KANK1: variants seen among roughly 807,000 people sequenced by gnomAD.
KANK1 encodes the protein KN motif and ankyrin repeat domains 1.
KANK1 carries 109 observed loss-of-function variants against 106.2 expected under a neutral mutation model. The observed-to-expected ratio is 1.03, with a 90% CI of 0.88 to 1.20. The LOEUF is 1.20. KANK1 is among the 50% of genes most tolerant of loss of function. The pLI, the probability that KANK1 is intolerant of heterozygous loss-of-function variation, is 0.00. For missense variants in KANK1, 2,399 were observed against 1,710.7 expected, an observed-to-expected ratio of 1.40 and a Z score of -7.10; for synonymous variants, 873 against 652.2, an observed-to-expected ratio of 1.34 and a Z score of -5.16.
intron 1 of KANK1, among the ~76,000 whole-genome samples, chr9:609,605 G>T (rs1830114785): frequency 6.6e-6 from 1 of 152,044 alleles, no homozygotes; most frequent in Non-Finnish European, 1.5e-5. Flanking sequence ...ACTCCAGCCT[G>T]GGTGACAAGA....
chr9:577,214 T>C (rs926327299), intron 1 of KANK1, among the ~76,000 whole-genome samples: 1 of 152,212 alleles, frequency 6.6e-6, no homozygotes, highest in Non-Finnish European at 1.5e-5. Context: ...CAGATTTTAT[T>C]CCCTTATTTG....
At chr9:735,666 C>T (rs750335527) in intron 7 of KANK1, 1 of 345,688 alleles carries the variant, frequency 2.9e-6, no homozygotes, top group Non-Finnish European at 6.4e-6. Flanking sequence ...ACTTTAAATT[C>T]TGCCATATAT....
chr9:675,362 C>T (rs895661134), intron 1 of KANK1, among the ~76,000 whole-genome samples: 12 of 152,140 alleles, frequency 7.9e-5, no homozygotes, highest in Admixed American at 4.6e-4. Context: ...ATTTATTTCT[C>T]CCAACTTCTT....
chr9:711,341 C>A lies in KANK1; in HGVS notation c.575C>A (p.Thr192Asn), dbSNP rs371323213. The A allele has an allele frequency of 1.2e-6, 2 of 1,614,138 alleles. No individual in the cohort carries two copies. The highest frequency in any genetic ancestry group is 3.3e-5 in the Admixed American group (2 of 60,018). The stretch of plus-strand genomic sequence containing the variant: ...CTGGCCAGTTTTGGAGGCATGGGCA[C>A]CACAAGCTCCCTCCCTTCTTTTGTG... ...PRLASFGGMG[T>N]TSSLPSFVGS... is the part of the protein sequence containing the mutation. The change falls in exon 3 of 12, where the codon ACC becomes AAC. Residue 192 changes from threonine (T) to asparagine (N), a missense_variant. Transcript: ENST00000382297.
At chr9:533,807 G>C (rs887530620) in intron 1 of KANK1, among the ~76,000 whole-genome samples, 9 of 152,126 alleles carry the variant, frequency 5.9e-5, no homozygotes, top group Non-Finnish European at 1.2e-4. Flanking sequence ...TCTGGAAGTG[G>C]GCTGGAATTT....
intron 1 of KANK1, among the ~76,000 whole-genome samples, chr9:654,258 C>T (rs139580767): frequency 2.6e-5 from 4 of 152,286 alleles, no homozygotes; most frequent in South Asian, 2.1e-4. Flanking sequence ...CACTGGTCCA[C>T]GGCCAGACTT....
intron 1 of KANK1, among the ~76,000 whole-genome samples, chr9:510,782 G>T (rs2058995492): frequency 6.6e-6 from 1 of 152,206 alleles, no homozygotes. Context: ...GCATCATGGG[G>T]TTTAATGGTA....
intron 1 of KANK1, among the ~76,000 whole-genome samples, chr9:651,091 A>G (rs1840782618): frequency 2.0e-5 from 3 of 152,190 alleles, no homozygotes; most frequent in Admixed American, 2.0e-4. Context: ...CATCTGTGAA[A>G]GGAGGAATTT....
At chr9:514,838 C>T (rs1314728251) in intron 1 of KANK1, among the ~76,000 whole-genome samples, 1 of 151,630 alleles carries the variant, frequency 6.6e-6, no homozygotes, top group African/African-American at 2.4e-5. Context: ...TGCAGTTCAA[C>T]TGGAGTAGGT....
At chr9:650,405 C>T (rs1187671551) in intron 1 of KANK1, among the ~76,000 whole-genome samples, 1 of 152,184 alleles carries the variant, frequency 6.6e-6, no homozygotes, top group African/African-American at 2.4e-5. Context: ...TTAAAGATCT[C>T]TGTTAAAACA....
At chr9:603,644 G>A (rs1026070706) in intron 1 of KANK1, among the ~76,000 whole-genome samples, 2 of 151,416 alleles carry the variant, frequency 1.3e-5, no homozygotes, top group African/African-American at 4.9e-5. Context: ...TAATATACTC[G>A]TTTGAATTTT....
At position 530,289 on chromosome 9, in the gene KANK1, C is replaced by T. The variant is rs73369090; in HGVS notation, c.-84+25535C>T. Among the ~76,000 whole-genome samples, 1,070 of 152,268 alleles carry T rather than the reference C, an allele frequency of 7.0e-3. 23 individuals are homozygous for T. The highest frequency in any genetic ancestry group is 0.023 in the African/African-American group (974 of 41,566). On this transcript the variant is annotated intron_variant, in intron 1 of 11. Transcript: ENST00000382297. ...ATTTAATATCATGAAGAGAAAAAGG[C>T]GTTCCCCATCTTAAAATTATTATTT...
rs1375089966 is a variant in KANK1, at chr9:684,817, A to G, written c.37+7808A>G. 2.0e-5 allele frequency among the ~76,000 whole-genome samples: 3 copies of G among 152,162 alleles called. No individual in the cohort carries two copies. In the East Asian group the frequency reaches 5.8e-4, roughly 29 times the overall value. ...GTCACCGCTTTGGCTCCTTTTCTAT[A>G]AAAGGTGGTTTGATTTGATCTGGCA... is the stretch of plus-strand genomic sequence containing the variant. On this transcript the variant is annotated intron_variant, in intron 2 of 11. Coordinates refer to ENST00000382297, the MANE Select transcript of KANK1 (RefSeq NM_015158.5).
chr9:732,431 A>G lies in KANK1; in HGVS notation c.3059A>G (p.Glu1020Gly). The change falls in exon 6 of 12, where the codon GAG (glutamate) becomes GGG (glycine). Residue 1020 changes from glutamate to glycine, a missense_variant. Coordinates refer to ENST00000382297, the MANE Select transcript of KANK1 (RefSeq NM_015158.5). ...AGCTCAGATGAAAGCTCTTCTTCCGAGTCAGATGACGAGTGTGATGTCATT... is the reference window on the plus strand; with the variant it reads ...AGCTCAGATGAAAGCTCTTCTTCCGGGTCAGATGACGAGTGTGATGTCATT... Reference protein sequence around the residue: ...DSSSDESSSSESDDECDVIEY... With the variant: ...DSSSDESSSSGSDDECDVIEY... 6.2e-7 allele frequency: 1 copy of G among 1,614,186 alleles called. No homozygotes were observed. Among genetic ancestry groups the G allele is most frequent in the Non-Finnish European group, 8.5e-7 (1 of 1,180,014 alleles).
chr9:555,030 C>T (rs932747679), intron 1 of KANK1, among the ~76,000 whole-genome samples: 27 of 152,268 alleles, frequency 1.8e-4, no homozygotes, highest in Middle Eastern at 3.4e-3. Flanking sequence ...TCCGTTTGCC[C>T]AGTCAAGTTG....
intron 1 of KANK1, among the ~76,000 whole-genome samples, chr9:603,103 G>A (rs1037682089): frequency 2.6e-5 from 4 of 151,714 alleles, no homozygotes; most frequent in Non-Finnish European, 4.4e-5. Context: ...TTGGAATATA[G>A]ATCTAAGAGT....
intron 3 of KANK1, among the ~76,000 whole-genome samples, chr9:715,958 T>A (rs1827579021): frequency 6.6e-6 from 1 of 152,210 alleles, no homozygotes; most frequent in Non-Finnish European, 1.5e-5. Flanking sequence ...GGGTGCACTG[T>A]GCATTCCTGT....
chr9:510,946 T>G (rs1005801673), intron 1 of KANK1, among the ~76,000 whole-genome samples: 4 of 152,204 alleles, frequency 2.6e-5, no homozygotes, highest in African/African-American at 9.7e-5. Context: ...TCACTTAACT[T>G]TAGTAAACAG....
chr9:558,386 A>G (rs376227873), intron 1 of KANK1, among the ~76,000 whole-genome samples: 1 of 152,374 alleles, frequency 6.6e-6, no homozygotes, highest in African/African-American at 2.4e-5. Flanking sequence ...GGAACAATAC[A>G]GAGTTAGATT....
Sources: allele counts gnomAD v4.1 joint callset (sites outside exome capture counted in the v4.1 genomes callset), GRCh38; gene constraint gnomAD v4.1.1; transcripts MANE v1.5; gene names NCBI Gene and HGNC (gene_info 2026-07-23, HGNC 2026-07-21).